The following NHS variants were observed in gnomAD, a reference collection of about 807,000 sequenced individuals.
The protein encoded by NHS is NHS actin remodeling regulator.
In NHS, 5 loss-of-function variants were observed where a neutral mutation model predicts 72.5. The observed-to-expected ratio is 0.07, with a 90% confidence interval of 0.04 to 0.14. NHS has a LOEUF of 0.14. Ranked by LOEUF, NHS falls within the 10% of genes least tolerant of loss-of-function variation. The pLI is 1.00. For missense variants in NHS, 1,072 were observed against 1,355.7 expected (o/e 0.79, Z 3.29); for synonymous variants, 464 against 547.7 (o/e 0.85, Z 2.13).
chrX:17,579,742 T>C (rs1362042483), intron 1 of NHS, among the ~76,000 whole-genome samples: 2 of 111,430 alleles, frequency 1.8e-5, no homozygotes, highest in Non-Finnish European at 3.8e-5. Flanking sequence ...GGAAATTGGC[T>C]ACACACCTAG....
intron 1 of NHS, among the ~76,000 whole-genome samples, chrX:17,514,261 T>C (rs1446637836): frequency 8.9e-6 from 1 of 112,511 alleles, no homozygotes; most frequent in Non-Finnish European, 1.9e-5. Context: ...GTCAGTAGAC[T>C]GGGAGAGGCA....
chrX:17,718,427 GAAGA>G (rs201989028), intron 3 of NHS, among the ~76,000 whole-genome samples: 9,691 of 94,599 alleles, frequency 0.1, 1,510 homozygotes, highest in African/African-American at 0.36. Flanking sequence ...AGGAGAGAAG[GAAGA>G]AAGGAAGGAA....
At chrX:17,430,435 TTCTC>T (rs1441798064) in intron 1 of NHS, among the ~76,000 whole-genome samples, 5 of 101,903 alleles carry the variant, frequency 4.9e-5, no homozygotes, top group East Asian at 5.9e-4. Flanking sequence ...CTTCCTTTCT[TTCTC>T]TCTCTCTCTT....
rs894909773 is a variant in NHS, at chrX:17,585,209, G to A, written c.566-102533G>A. 8.9e-5 allele frequency among the ~76,000 whole-genome samples: 10 copies of A among 111,871 alleles called. 1 individual carries two copies. Among genetic ancestry groups the A allele is most frequent in the East Asian group, 5.6e-4 (2 of 3,569 alleles). On this transcript the variant is annotated intron_variant, in intron 1 of 8. Coordinates refer to ENST00000676302, the MANE Select transcript of NHS (RefSeq NM_001291867.2). Reference sequence around the variant, plus strand: ...TTTATTATTGCTCTAGCTGTGTGTCGTTGGACTGGTTACCTAACTTCTCTG... The same window carrying A: ...TTTATTATTGCTCTAGCTGTGTGTCATTGGACTGGTTACCTAACTTCTCTG...
intron 1 of NHS, among the ~76,000 whole-genome samples, chrX:17,581,770 C>G (rs2065545244): frequency 9.0e-6 from 1 of 111,496 alleles, no homozygotes; most frequent in African/African-American, 3.3e-5. Context: ...TGACTTGAAA[C>G]TGATGAAGGC....
intron 1 of NHS, among the ~76,000 whole-genome samples, chrX:17,591,424 G>C (rs1012996933): frequency 3.6e-5 from 4 of 111,616 alleles, no homozygotes; most frequent in Non-Finnish European, 7.5e-5. Flanking sequence ...ATCAGAAGCC[G>C]ATGCATACTT....
chrX:17,409,949 T>C (rs970595649), intron 1 of NHS, among the ~76,000 whole-genome samples: 12 of 112,068 alleles, frequency 1.1e-4, no homozygotes, highest in African/African-American at 3.9e-4. Context: ...ATGTACTTAA[T>C]GCTTTTTTAG....
At chrX:17,687,699 C>T (rs1569309054) in intron 1 of NHS, 43 bp from the exon 2 acceptor site, 2 of 1,185,914 alleles carry the variant, frequency 1.7e-6, no homozygotes, top group Admixed American at 4.7e-5. Context: ...AAAAGCACAA[C>T]TTAAAGCCAC....
At chrX:17,481,549 G>A (rs1393951257) in intron 1 of NHS, among the ~76,000 whole-genome samples, 3 of 110,989 alleles carry the variant, frequency 2.7e-5, no homozygotes, top group Non-Finnish European at 1.9e-5. Flanking sequence ...GTCTTGTTTT[G>A]TCTTGTGTGT....
intron 1 of NHS, among the ~76,000 whole-genome samples, chrX:17,630,347 C>T (rs921531652): frequency 6.5e-5 from 7 of 107,916 alleles, no homozygotes; most frequent in Non-Finnish European, 1.1e-4. Flanking sequence ...GCCAAGCCAG[C>T]AAAGGGACAT....
At chrX:17,484,260 A>G (rs1045248751) in intron 1 of NHS, among the ~76,000 whole-genome samples, 1 of 112,617 alleles carries the variant, frequency 8.9e-6, no homozygotes, top group African/African-American at 3.2e-5. Flanking sequence ...TGAGCAACCA[A>G]CCACCACACA....
intron 5 of NHS, among the ~76,000 whole-genome samples, chrX:17,722,277 A>T (rs990119658): frequency 3.9e-4 from 44 of 112,488 alleles, no homozygotes; most frequent in African/African-American, 1.4e-3. Flanking sequence ...GGCAGCAGTT[A>T]TAAATTCCAC....
At chrX:17,666,839 G>A in intron 1 of NHS, among the ~76,000 whole-genome samples, 1 of 112,321 alleles carries the variant, frequency 8.9e-6, no homozygotes, top group Non-Finnish European at 1.9e-5. Context: ...CGCGAAAAGA[G>A]AGAACAAAGG....
chrX:17,478,697 C>G (rs1177327470), intron 1 of NHS, among the ~76,000 whole-genome samples: 3 of 111,144 alleles, frequency 2.7e-5, no homozygotes, highest in African/African-American at 9.8e-5. Flanking sequence ...AGGGAAGGAT[C>G]TCAAAGAATT....
At chrX:17,722,882 C>T (rs1019890037) in intron 5 of NHS, among the ~76,000 whole-genome samples, 3 of 110,593 alleles carry the variant, frequency 2.7e-5, no homozygotes, top group Non-Finnish European at 5.7e-5. Context: ...TGATTATGGG[C>T]CATTATTTTA....
intron 3 of NHS, among the ~76,000 whole-genome samples, chrX:17,706,214 C>T (rs1318112845): frequency 1.8e-5 from 2 of 110,686 alleles, no homozygotes; most frequent in African/African-American, 6.6e-5. Context: ...ACAAACAAAA[C>T]AAATTGAAGG....
chrX:17,591,291 A>G (rs903164334), intron 1 of NHS, among the ~76,000 whole-genome samples: 2 of 111,720 alleles, frequency 1.8e-5, no homozygotes, highest in Non-Finnish European at 3.8e-5. Flanking sequence ...GCATTTTGCA[A>G]ACTTGTGCTT....
At chrX:17,564,507 G>A (rs180682177) in intron 1 of NHS, among the ~76,000 whole-genome samples, 4 of 111,976 alleles carry the variant, frequency 3.6e-5, no homozygotes, top group Non-Finnish European at 7.5e-5. Flanking sequence ...AAATGATGAC[G>A]CTTATATGGC....
At chrX:17,649,537 A>G (rs1264678068) in intron 1 of NHS, among the ~76,000 whole-genome samples, 1 of 111,285 alleles carries the variant, frequency 9.0e-6, no homozygotes, top group East Asian at 2.8e-4. Flanking sequence ...TGGCTAAATC[A>G]TCATAATTCC....
Sources: gnomAD v4.1 joint callset for allele counts (sites outside exome capture counted in the v4.1 genomes callset) on GRCh38, gnomAD v4.1.1 for gene constraint, MANE v1.5 for transcripts, NCBI Gene and HGNC (gene_info 2026-07-23, HGNC 2026-07-21) for gene names.